Variants in SPTBN2 observed in about 807,000 individuals in gnomAD.
SPTBN2 encodes the protein spectrin beta chain, non-erythrocytic 2.
A neutral mutation model predicts 284.2 loss-of-function variants in SPTBN2; 107 were observed. The observed-to-expected ratio is 0.38, with a 90% CI of 0.32 to 0.44. The LOEUF is 0.44. SPTBN2 is among the 20% of genes least tolerant of loss of function. The pLI is 1.00. For missense variants in SPTBN2, 2,569 were observed against 3,287.1 expected, an observed-to-expected ratio of 0.78 and a Z score of 5.34; for synonymous variants, 1,289 against 1,354.8, an observed-to-expected ratio of 0.95 and a Z score of 1.07.
rs748966229 is a variant in SPTBN2, at chr11:66,705,724, G to T, written c.1767C>A (p.Ala589=). 1.5e-5 allele frequency: 24 copies of T among 1,612,378 alleles called. No individual in the cohort carries two copies. Among genetic ancestry groups the T allele is most frequent in the Non-Finnish European group, 2.0e-5 (24 of 1,179,992 alleles). The change falls in exon 14 of 38, where the codon GCC becomes GCA. Residue 589 remains alanine, a synonymous_variant. Transcript: ENST00000533211. Reference sequence around the variant, plus strand: ...AGAAGCGCAGGGCAGAGGCGCTGACGGCCCGCACCCTCTCGGCCTGCACGG... The same window carrying T: ...AGAAGCGCAGGGCAGAGGCGCTGACTGCCCGCACCCTCTCGGCCTGCACGG... The part of the protein sequence containing the change: ...DIAVQAERVR[A]VSASALRFCN...
upstream of SPTBN2, among the ~76,000 whole-genome samples, chr11:66,729,467 A>G (rs1050773162): frequency 6.6e-6 from 1 of 152,182 alleles, no homozygotes; most frequent in Non-Finnish European, 1.5e-5. Flanking sequence ...AGGGCACTCA[A>G]AGAATGGGCT....
At chr11:66,719,657 C>A (rs1170355938) in intron 3 of SPTBN2, among the ~76,000 whole-genome samples, 9 of 152,022 alleles carry the variant, frequency 5.9e-5, no homozygotes, top group Non-Finnish European at 5.9e-5. Flanking sequence ...TGTACACAGG[C>A]ATGGTGAGAG....
intron 1 of SPTBN2, among the ~76,000 whole-genome samples, chr11:66,725,797 T>G (rs113638275): frequency 2.6e-5 from 4 of 152,214 alleles, no homozygotes; most frequent in Non-Finnish European, 5.9e-5. Flanking sequence ...AGGCTCACCG[T>G]GCCGATCCTC....
intron 1 of SPTBN2, among the ~76,000 whole-genome samples, chr11:66,737,769 T>C (rs1011817781): frequency 2.0e-5 from 3 of 152,124 alleles, no homozygotes; most frequent in African/African-American, 7.2e-5. Context: ...CTATGTAAAC[T>C]GGACCAACAC....
Position 66,721,229 on chromosome 11 carries a change from C to A in SPTBN2, c.12G>T (p.Thr4=). Residue 4 remains threonine (T), a synonymous_variant, in exon 3 of 38, where the codon ACG becomes ACT. Coordinates refer to ENST00000533211, the MANE Select transcript of SPTBN2 (RefSeq NM_006946.4). ...AGCTGTCAAAGTCTGTGGGTGACAG[C>A]GTGCTGCTCATGGTGGTAGGCGGCT... is the stretch of plus-strand genomic sequence containing the variant. MSS[T]LSPTDFDSLE... 6.2e-7 allele frequency: 1 copy of A among 1,614,158 alleles called. No individual in the cohort carries two copies. The highest frequency in any genetic ancestry group is 8.5e-7 in the Non-Finnish European group (1 of 1,180,028).
intron 20 of SPTBN2, 98 bp from the exon 21 acceptor site, chr11:66,696,638 G>A: frequency 1.3e-6 from 2 of 1,506,536 alleles, no homozygotes; most frequent in African/African-American, 1.4e-5. Flanking sequence ...GAGACCTGAA[G>A]TGTGGGCAAT....
rs886399180 is a variant in SPTBN2 at position 66,686,758 on chromosome 11, AT to A, written c.6896+235del. On this transcript the variant is annotated intron_variant, in intron 36 of 37. Coordinates refer to ENST00000533211, the MANE Select transcript of SPTBN2 (RefSeq NM_006946.4). ...ACCTTTGGATTTCCCACCCTGGGTA[AT>A]TTTTCACCTTGACATTGGCAGCCGT... 1.1e-5 allele frequency: 7 copies of A among 652,582 alleles called. No homozygotes were observed. In the African/African-American group the frequency reaches 1.3e-4, roughly 12 times the overall value. The allele number at this position is 652,582 out of a possible 1,614,324, so 40.4% of individuals were successfully genotyped here.
chr11:66,713,558 C>G, intron 8 of SPTBN2, 73 bp downstream of exon 8: 1 of 1,189,222 alleles, frequency 8.4e-7, no homozygotes. Flanking sequence ...TCCCCCTCCG[C>G]AGCCCCTGGC....
chr11:66,715,926 C>T lies in SPTBN2; in HGVS notation c.213G>A (p.Leu71=). The T allele has an allele frequency of 1.2e-6, 2 of 1,614,156 alleles. No homozygotes were observed. The highest frequency in any genetic ancestry group is 1.7e-6 in the Non-Finnish European group (2 of 1,180,036). The change falls in exon 4 of 38, where the codon CTG becomes CTA. Residue 71 remains leucine (L), a synonymous_variant. Transcript: ENST00000533211. The surrounding 1 kb of genome is among the most constrained non-coding windows in gnomAD (Gnocchi z 5.3). The part of the protein sequence containing the change: ...KTFTKWVNSH[L]ARVTCRVGDL... ...CCCCCACCCGGCACGTGACCCGGGC[C>T]AGGTGCGAGTTTACCCACTTGGTGA...
chr11:66,687,948 T>C lies in SPTBN2; in HGVS notation c.6451-30A>G, dbSNP rs1441592332. Reference sequence around the variant, plus strand: ...AAGGACAAGAATCTGTAAAAGGATGTGCGGGGGTGGAGGGGCTACGACTCC... The same window carrying C: ...AAGGACAAGAATCTGTAAAAGGATGCGCGGGGGTGGAGGGGCTACGACTCC... On this transcript the variant is annotated intron_variant, in intron 33 of 37. Coordinates refer to ENST00000533211, the MANE Select transcript of SPTBN2 (RefSeq NM_006946.4). This position sits in a 1 kb window ranked among gnomAD's most constrained non-coding sequence, Gnocchi z 5.2. 1 of 1,614,064 alleles carries C rather than the reference T, an allele frequency of 6.2e-7. No homozygotes were observed. Among genetic ancestry groups the C allele is most frequent in the East Asian group, 2.2e-5 (1 of 44,880 alleles).
intron 1 of SPTBN2, among the ~76,000 whole-genome samples, chr11:66,722,647 C>T (rs1942469851): frequency 6.8e-6 from 1 of 146,072 alleles, no homozygotes; most frequent in South Asian, 2.2e-4. Context: ...AATCCCAGCA[C>T]TTTTAGGAGG....
chr11:66,733,902 C>CG (rs1231429434), upstream of SPTBN2, among the ~76,000 whole-genome samples: 1 of 149,730 alleles, frequency 6.7e-6, no homozygotes, highest in East Asian at 2.0e-4. Context: ...GGCGTGAACC[C>CG]GGGAAGCAGA....
chr11:66,695,410 C>T (rs1314870724), intron 21 of SPTBN2, among the ~76,000 whole-genome samples: 2 of 152,168 alleles, frequency 1.3e-5, no homozygotes, highest in African/African-American at 4.8e-5. Context: ...CACACACCAC[C>T]ACCACGCCCA....
intron 1 of SPTBN2, among the ~76,000 whole-genome samples, chr11:66,739,989 G>A (rs1942885014): frequency 6.6e-6 from 1 of 152,132 alleles, no homozygotes; most frequent in Non-Finnish European, 1.5e-5. Context: ...CCGAGATCCT[G>A]CCACTGCACT....
At chr11:66,725,173 C>T (rs934772796) in intron 1 of SPTBN2, among the ~76,000 whole-genome samples, 1 of 152,216 alleles carries the variant, frequency 6.6e-6, no homozygotes, top group African/African-American at 2.4e-5. Flanking sequence ...AGGAACCAAG[C>T]TGGCACTGGT....
rs1055341523 is a variant in SPTBN2, at chr11:66,693,506, G to A, written c.4594-60C>T. The A allele has an allele frequency of 1.0e-5, 16 of 1,554,898 alleles. No homozygotes were observed. Among genetic ancestry groups the A allele is most frequent in the African/African-American group, 2.7e-5 (2 of 73,608 alleles). ...TCCTGCCCCAGCCCCACGTGCTCCCGGAGACCACCCTTCACCCCTGTGCCT... is the reference window on the plus strand; with the variant it reads ...TCCTGCCCCAGCCCCACGTGCTCCCAGAGACCACCCTTCACCCCTGTGCCT... On this transcript the variant is annotated intron_variant, in intron 23 of 37. Coordinates refer to ENST00000533211, the MANE Select transcript of SPTBN2 (RefSeq NM_006946.4). This position sits in a 1 kb window ranked among gnomAD's most constrained non-coding sequence, Gnocchi z 5.7.
At position 66,735,616 on chromosome 11, in the gene SPTBN2, G is replaced by A. The variant is rs367840132; in HGVS notation, c.-474-6424C>T. On this transcript the variant is annotated intron_variant, in intron 1 of 37. Coordinates refer to the SPTBN2 transcript ENST00000611817. ...GGTCCCAGATACTTGGGTGGTAGAG[G>A]TGGGAGAATTGCTTGAGCCTGGGAG... Among the ~76,000 whole-genome samples the A allele has an allele frequency of 5.9e-5, 9 of 152,288 alleles. No homozygotes were observed. The East Asian group carries it at 1.2e-3, about 20-fold the overall frequency.
chr11:66,711,066 A>T (rs1387567385), intron 8 of SPTBN2, 37 bp from the exon 9 acceptor site: 1 of 1,567,666 alleles, frequency 6.4e-7, no homozygotes, highest in Non-Finnish European at 8.8e-7. Context: ...GCCTCCCAGA[A>T]GTTCATCCAT....
At chr11:66,744,239 A>T (rs940938880) in intron 1 of SPTBN2, among the ~76,000 whole-genome samples, 11 of 152,134 alleles carry the variant, frequency 7.2e-5, no homozygotes, top group African/African-American at 2.4e-4. Flanking sequence ...GTATGGTTAT[A>T]AAAAAAATTC....
Sources: allele counts gnomAD v4.1 joint callset (sites outside exome capture counted in the v4.1 genomes callset), GRCh38; gene constraint gnomAD v4.1.1; non-coding constraint Gnocchi (gnomAD v3.1); transcripts MANE v1.5; gene names NCBI Gene and HGNC (gene_info 2026-07-23, HGNC 2026-07-21).